The following CSMD1 variants were observed in gnomAD, a reference collection of about 807,000 sequenced individuals.
CSMD1 encodes CUB and sushi domain-containing protein 1.
A neutral mutation model predicts 417.5 loss-of-function variants in CSMD1; 213 were observed. That is an observed-to-expected ratio of 0.51 (90% CI 0.46 to 0.57). CSMD1 has a LOEUF of 0.57. Among genes scored for constraint, CSMD1 ranks in the 20% least tolerant of loss-of-function variants. The pLI is 0.00. For missense variants in CSMD1, 6,923 were observed against 4,529.7 expected (o/e 1.53, Z -15.17); for synonymous variants, 2,862 against 1,736.8 (o/e 1.65, Z -16.11).
At chr8:3,483,197 T>C (rs971994055) in intron 11 of CSMD1, among the ~76,000 whole-genome samples, 1 of 151,826 alleles carries the variant, frequency 6.6e-6, no homozygotes, top group Non-Finnish European at 1.5e-5. Flanking sequence ...TCAAAAATAA[T>C]ATAATTGATG....
intron 6 of CSMD1, among the ~76,000 whole-genome samples, chr8:3,740,211 G>C (rs1013995377): frequency 1.3e-5 from 2 of 152,096 alleles, no homozygotes; most frequent in African/African-American, 4.8e-5. Context: ...GTTCAAGTGA[G>C]TCTCCTGCCT....
At chr8:3,137,399 A>C (rs748568441) in intron 41 of CSMD1, among the ~76,000 whole-genome samples, 1 of 152,226 alleles carries the variant, frequency 6.6e-6, no homozygotes, top group Non-Finnish European at 1.5e-5. Flanking sequence ...GGGGGAATAA[A>C]CACCTCAAGT....
At chr8:2,978,473 C>G (rs1287608428) in intron 55 of CSMD1, 139 bp downstream of exon 55, 6 of 676,134 alleles carry the variant, frequency 8.9e-6, no homozygotes, top group Admixed American at 3.1e-5. Context: ...CTACAGCTAT[C>G]ATAAAAACTC....
intron 3 of CSMD1, among the ~76,000 whole-genome samples, chr8:4,395,581 G>A (rs1266856203): frequency 6.6e-6 from 1 of 151,804 alleles, no homozygotes; most frequent in Admixed American, 6.6e-5. Context: ...AAGGCCAAGA[G>A]GAGGATAGAT....
chr8:4,199,421 C>T lies in CSMD1; in HGVS notation c.416-167322G>A, dbSNP rs531523985. Among the ~76,000 whole-genome samples the T allele has an allele frequency of 1.0e-3, 156 of 152,244 alleles. 1 individual carries two copies. The highest frequency in any genetic ancestry group is 1.8e-3 in the Non-Finnish European group (124 of 68,026). On this transcript the variant is annotated intron_variant, in intron 3 of 69. Coordinates refer to ENST00000635120, the MANE Select transcript of CSMD1 (RefSeq NM_033225.6). ...AGAATGGATTTGGTGCTGGCATTAGCTGTCAAGTCATGTAAGTCTATTGCA... is the reference window on the plus strand; with the variant it reads ...AGAATGGATTTGGTGCTGGCATTAGTTGTCAAGTCATGTAAGTCTATTGCA...
At chr8:3,886,866 A>G (rs1806600114) in intron 5 of CSMD1, among the ~76,000 whole-genome samples, 1 of 152,316 alleles carries the variant, frequency 6.6e-6, no homozygotes, top group South Asian at 2.1e-4. Flanking sequence ...CAATGGCTAC[A>G]CTATACTGGC....
intron 3 of CSMD1, among the ~76,000 whole-genome samples, chr8:4,082,878 C>A (rs548631129): frequency 6.7e-6 from 1 of 150,062 alleles, no homozygotes; most frequent in East Asian, 2.0e-4. Context: ...GGTTTTTTGT[C>A]CTTGTGATAC....
Position 4,962,188 on chromosome 8 carries a change from CTT to C in CSMD1, c.85+32142_85+32143del, listed in dbSNP as rs5889079. Among the ~76,000 whole-genome samples, 216 of 140,612 alleles carry C rather than the reference CTT, an allele frequency of 1.5e-3. 1 individual carries two copies. Among genetic ancestry groups the C allele is most frequent in the African/African-American group, 5.1e-3 (188 of 36,632 alleles). 92.2% of individuals were successfully genotyped at this position (140,612 alleles called of 152,430 possible). On this transcript the variant is annotated intron_variant, in intron 1 of 69. Transcript: ENST00000635120. ...ACAATAATATAAATGTAAATTTCTG[CTT>C]TTTTTTTAAAAAAAAAAGAAAAAAA...
intron 1 of CSMD1, among the ~76,000 whole-genome samples, chr8:4,713,395 T>C (rs1808436535): frequency 6.6e-6 from 1 of 151,768 alleles, no homozygotes; most frequent in Admixed American, 6.6e-5. Context: ...TTTTGTTTTG[T>C]TTTGTTTTGT....
intron 1 of CSMD1, among the ~76,000 whole-genome samples, chr8:4,972,079 G>A (rs771294341): frequency 2.3e-4 from 35 of 152,006 alleles, no homozygotes; most frequent in Non-Finnish European, 2.6e-4. Flanking sequence ...TACCATACCC[G>A]TTTTCAAGTA....
chr8:3,219,756 C>G (rs1322623806), intron 28 of CSMD1, among the ~76,000 whole-genome samples: 1 of 152,014 alleles, frequency 6.6e-6, no homozygotes, highest in Non-Finnish European at 1.5e-5. Context: ...CATTAATTTG[C>G]TAAATGAGAT....
At chr8:3,349,860 TATATAA>T (rs1808281662) in intron 21 of CSMD1, among the ~76,000 whole-genome samples, 1 of 110,488 alleles carries the variant, frequency 9.1e-6, no homozygotes, top group East Asian at 2.9e-4. Context: ...TATATATAAT[TATATAA>T]ATATATTTAT....
At position 4,406,789 on chromosome 8, in the gene CSMD1, T is replaced by C. The variant is rs79587756; in HGVS notation, c.415+13164A>G. ...AATTTACTAGAACTCCTGAGTCATC[T>C]GGTGTTTGATGAAGGTGACTAACAA... On this transcript the variant is annotated intron_variant, in intron 3 of 69. Coordinates refer to ENST00000635120, the MANE Select transcript of CSMD1 (RefSeq NM_033225.6). Among the ~76,000 whole-genome samples the C allele has an allele frequency of 5.9e-3, 899 of 152,362 alleles. 34 individuals are homozygous for C. In the East Asian group the frequency reaches 0.089, roughly 15 times the overall value.
chr8:3,714,993 T>G (rs940448965), intron 6 of CSMD1, among the ~76,000 whole-genome samples: 1 of 152,298 alleles, frequency 6.6e-6, no homozygotes, highest in East Asian at 1.9e-4. Context: ...TTTTCTAATA[T>G]TAGAATTTAG....
intron 21 of CSMD1, among the ~76,000 whole-genome samples, chr8:3,354,665 C>G (rs943339042): frequency 1.3e-5 from 2 of 151,752 alleles, no homozygotes; most frequent in East Asian, 3.9e-4. Context: ...CAATTTAGTG[C>G]CGTTATTGGA....
chr8:3,275,189 G>C (rs551170514), intron 26 of CSMD1, among the ~76,000 whole-genome samples: 13 of 152,228 alleles, frequency 8.5e-5, no homozygotes, highest in African/African-American at 2.9e-4. Flanking sequence ...CACTTATGAA[G>C]CTTAGTTTGG....
Position 3,106,619 on chromosome 8 carries a change from G to A in CSMD1, c.6858C>T (p.Cys2286=), listed in dbSNP as rs1429653479. The A allele has an allele frequency of 6.2e-7, 1 of 1,612,780 alleles. No individual in the cohort carries two copies. The highest frequency in any genetic ancestry group is 8.5e-7 in the Non-Finnish European group (1 of 1,179,216). The change falls in exon 46 of 70, where the codon TGC becomes TGT. Residue 2286 remains cysteine, a synonymous_variant. Transcript: ENST00000635120. ...FEIGDFVKYQ[C]HPGYTLVGTD... Reference sequence around the variant, plus strand: ...TCCCCACCAAGGTGTACCCGGGGTGGCACTGGTACTTCACAAAATCTCCTA... The same window carrying A: ...TCCCCACCAAGGTGTACCCGGGGTGACACTGGTACTTCACAAAATCTCCTA...
intron 2 of CSMD1, among the ~76,000 whole-genome samples, chr8:4,496,811 T>G (rs959726553): frequency 6.6e-6 from 1 of 152,292 alleles, no homozygotes; most frequent in Middle Eastern, 3.4e-3. Flanking sequence ...ACATGGACTT[T>G]TGATGGGTAA....
At chr8:4,390,727 A>G (rs561837428) in intron 3 of CSMD1, among the ~76,000 whole-genome samples, 2 of 151,458 alleles carry the variant, frequency 1.3e-5, no homozygotes, top group Non-Finnish European at 2.9e-5. Flanking sequence ...GTTAGCCAGG[A>G]TGGTCTCGAT....
Sources: gnomAD v4.1 joint callset for allele counts (sites outside exome capture counted in the v4.1 genomes callset) on GRCh38, gnomAD v4.1.1 for gene constraint, MANE v1.5 for transcripts, NCBI Gene and HGNC (gene_info 2026-07-23, HGNC 2026-07-21) for gene names.